LUZP2: variants seen among roughly 807,000 people sequenced by gnomAD.
LUZP2 encodes the protein leucine zipper protein 2.
In LUZP2, 52 loss-of-function variants were observed where a neutral mutation model predicts 51.6. That is an observed-to-expected ratio of 1.01 (90% CI 0.81 to 1.27). The LOEUF (loss-of-function observed/expected upper bound fraction) is 1.27. LUZP2 is among the 50% of genes most tolerant of loss of function. The pLI is 0.00. For synonymous variants in LUZP2, 154 were observed against 137.3 expected, an observed-to-expected ratio of 1.12 and a Z score of -0.85; for missense variants, 436 against 395.4, an observed-to-expected ratio of 1.10 and a Z score of -0.87.
intron 10 of LUZP2, among the ~76,000 whole-genome samples, chr11:25,058,312 A>G (rs1858744267): frequency 6.6e-6 from 1 of 152,150 alleles, no homozygotes; most frequent in Admixed American, 6.5e-5. Context: ...TGTTAACCTA[A>G]TTTGATTTAT....
chr11:24,721,598 A>G (rs1858272973), intron 1 of LUZP2, among the ~76,000 whole-genome samples: 1 of 152,190 alleles, frequency 6.6e-6, no homozygotes, highest in African/African-American at 2.4e-5. Context: ...CGATGCACAA[A>G]TGTAAGTTAT....
chr11:24,766,266 G>A (rs568538553), intron 5 of LUZP2, among the ~76,000 whole-genome samples: 98 of 151,850 alleles, frequency 6.5e-4, no homozygotes, highest in African/African-American at 1.3e-3. Context: ...AATCTATTCC[G>A]CAACAATGTG....
chr11:24,505,427 A>C (rs891575339), intron 1 of LUZP2, among the ~76,000 whole-genome samples: 1 of 152,196 alleles, frequency 6.6e-6, no homozygotes, highest in Non-Finnish European at 1.5e-5. Context: ...AACATCTCTT[A>C]GCCATATTTA....
At chr11:24,727,958 A>G (rs1264875988) in intron 1 of LUZP2, among the ~76,000 whole-genome samples, 1 of 152,072 alleles carries the variant, frequency 6.6e-6, no homozygotes, top group Non-Finnish European at 1.5e-5. Flanking sequence ...CAGAATGACT[A>G]TAAATTCATC....
intron 10 of LUZP2, among the ~76,000 whole-genome samples, chr11:25,052,614 T>C (rs1000055389): frequency 3.3e-5 from 5 of 152,318 alleles, no homozygotes; most frequent in African/African-American, 1.2e-4. Context: ...CATAATATTC[T>C]GATTTGCATT....
At chr11:24,650,598 C>T (rs1855597438) in intron 1 of LUZP2, among the ~76,000 whole-genome samples, 1 of 152,120 alleles carries the variant, frequency 6.6e-6, no homozygotes, top group East Asian at 1.9e-4. Context: ...CAATGCATCC[C>T]AGAATGATAA....
intron 1 of LUZP2, among the ~76,000 whole-genome samples, chr11:24,698,351 G>A (rs35903716): frequency 0.041 from 6,236 of 152,262 alleles, 147 homozygotes; most frequent in African/African-American, 0.06. Context: ...CCAGAAAAGT[G>A]TTGCTAGGAC....
chr11:24,583,144 C>T (rs1375027449), intron 1 of LUZP2, among the ~76,000 whole-genome samples: 1 of 151,896 alleles, frequency 6.6e-6, no homozygotes, highest in Non-Finnish European at 1.5e-5. Context: ...CATTCTAACA[C>T]GTATGTATGT....
intron 5 of LUZP2, among the ~76,000 whole-genome samples, chr11:24,795,120 T>C (rs1026836744): frequency 3.3e-5 from 5 of 152,168 alleles, no homozygotes; most frequent in African/African-American, 1.2e-4. Context: ...TTTATGTTTG[T>C]TTCATAACCA....
intron 5 of LUZP2, among the ~76,000 whole-genome samples, chr11:24,845,763 C>G (rs61894121): frequency 6.6e-6 from 1 of 151,792 alleles, no homozygotes; most frequent in Admixed American, 6.6e-5. Context: ...CTTTGTCTGC[C>G]GCCATTCATG....
chr11:24,944,161 A>G (rs1414076154), intron 7 of LUZP2, among the ~76,000 whole-genome samples: 2 of 152,188 alleles, frequency 1.3e-5, no homozygotes, highest in Non-Finnish European at 2.9e-5. Context: ...AAGCCCAGGC[A>G]ACACCCCAGA....
chr11:24,678,126 T>C (rs1157823117), intron 1 of LUZP2, among the ~76,000 whole-genome samples: 1 of 151,986 alleles, frequency 6.6e-6, no homozygotes, highest in Non-Finnish European at 1.5e-5. Flanking sequence ...TTTTGTTGTT[T>C]TTGACTTTTT....
intron 7 of LUZP2, among the ~76,000 whole-genome samples, chr11:24,915,462 A>T (rs1853761591): frequency 6.6e-6 from 1 of 152,084 alleles, no homozygotes; most frequent in African/African-American, 2.4e-5. Flanking sequence ...CAAGGTCATT[A>T]TTTTTTATGA....
intron 7 of LUZP2, among the ~76,000 whole-genome samples, chr11:24,967,838 A>G (rs557556774): frequency 6.6e-6 from 1 of 152,254 alleles, no homozygotes; most frequent in East Asian, 1.9e-4. Flanking sequence ...TTCAACATAT[A>G]GACTATCTAG....
chr11:24,773,269 A>T (rs1848804737), intron 5 of LUZP2, among the ~76,000 whole-genome samples: 1 of 152,242 alleles, frequency 6.6e-6, no homozygotes, highest in Non-Finnish European at 1.5e-5. Flanking sequence ...TACAAGTATT[A>T]TTAAAATCAA....
At position 24,677,892 on chromosome 11, in the gene LUZP2, C is replaced by T. The variant is rs375858304; in HGVS notation, c.63-51277C>T. On this transcript the variant is annotated intron_variant, in intron 1 of 11. Transcript: ENST00000336930. ...CTCTACTAAAAATACAAAAAATTAG[C>T]CGGGCATGGTGGCGGGCGCCTGTAG... Among the ~76,000 whole-genome samples the T allele has an allele frequency of 5.9e-5, 9 of 151,910 alleles. No homozygotes were observed. In the East Asian group the frequency reaches 1.6e-3, roughly 26 times the overall value.
intron 10 of LUZP2, among the ~76,000 whole-genome samples, chr11:25,059,420 TC>T (rs1377561179): frequency 2.6e-5 from 4 of 152,190 alleles, no homozygotes; most frequent in African/African-American, 9.7e-5. Flanking sequence ...CTTTTTGTAA[TC>T]ATTTCAGTGA....
chr11:24,575,934 G>C (rs1167860082), intron 1 of LUZP2, among the ~76,000 whole-genome samples: 2 of 152,060 alleles, frequency 1.3e-5, no homozygotes, highest in African/African-American at 4.8e-5. Flanking sequence ...GAGATTTAAA[G>C]TTCATTTGGA....
chr11:24,558,334 G>A (rs1359214647), intron 1 of LUZP2, among the ~76,000 whole-genome samples: 2 of 151,510 alleles, frequency 1.3e-5, no homozygotes, highest in Non-Finnish European at 2.9e-5. Flanking sequence ...GGATTTTTTC[G>A]GACTTCATAA....
Sources: allele counts gnomAD v4.1 joint callset (sites outside exome capture counted in the v4.1 genomes callset), GRCh38; gene constraint gnomAD v4.1.1; transcripts MANE v1.5; gene names NCBI Gene and HGNC (gene_info 2026-07-23, HGNC 2026-07-21).